Variants in BIRC2 observed in about 807,000 individuals in gnomAD.
BIRC2 encodes baculoviral IAP repeat-containing protein 2.
A neutral mutation model predicts 60.9 loss-of-function variants in BIRC2; 18 were observed. The ratio of observed to expected loss-of-function variants is 0.30; its 90% CI spans 0.20 to 0.44. The LOEUF is 0.44. Ranked by LOEUF, BIRC2 falls within the 20% of genes least tolerant of loss-of-function variation. BIRC2 has a pLI of 1.00. For synonymous variants in BIRC2, 282 were observed against 247.7 expected (o/e 1.14, Z -1.30); for missense variants, 701 against 728.5 (o/e 0.96, Z 0.43).
intron 4 of BIRC2, 138 bp from the exon 5 acceptor site, chr11:102,363,530 A>G (rs1193849562): frequency 6.1e-6 from 3 of 494,750 alleles, no homozygotes; most frequent in Non-Finnish European, 7.1e-6. Flanking sequence ...GGTAAAAGAA[A>G]GCAAAGCAAA....
At position 102,378,522 on chromosome 11, in the gene BIRC2, A is replaced by G; in HGVS notation, c.*339A>G. The G allele has an allele frequency of 6.1e-6, 1 of 163,330 alleles. No individual in the cohort carries two copies. Among genetic ancestry groups the G allele is most frequent in the Non-Finnish European group, 1.3e-5 (1 of 75,800 alleles). The allele number at this position is 163,330 out of a possible 1,614,324, so 10.1% of individuals were successfully genotyped here. On this transcript the variant is annotated 3_prime_UTR_variant, in exon 9 of 9. Transcript: ENST00000227758. Reference sequence around the variant, plus strand: ...TGAATACTAAATTATAGTGTAGAAAAGAACTGGAAACCAGGAACTCTGGAG... The same window carrying G: ...TGAATACTAAATTATAGTGTAGAAAGGAACTGGAAACCAGGAACTCTGGAG...
chr11:102,364,174 T>TATATATACACACACACACACAC (rs1389968594), intron 5 of BIRC2, among the ~76,000 whole-genome samples: 5 of 78,106 alleles, frequency 6.4e-5, no homozygotes, highest in African/African-American at 3.4e-4. Context: ...TATATATATA[T>TATATATACACACACACACACAC]ACACACACAC....
chr11:102,351,062 A>G (rs1951352946), intron 3 of BIRC2, 119 bp downstream of exon 3: 1 of 873,760 alleles, frequency 1.1e-6, no homozygotes, highest in South Asian at 1.8e-5. Context: ...CCATTGGGGA[A>G]TTATCCTTCT....
chr11:102,351,614 CAAAAAAAAAA>C lies in BIRC2; in HGVS notation c.995+685_995+694del, dbSNP rs768269523. ...TGGGTAACAGAGCAAGACTCTGTCT[CAAAAAAAAAA>C]AAAAAAAAAAAAAGAAAAAAGCATA... On this transcript the variant is annotated intron_variant, in intron 3 of 8. Coordinates refer to ENST00000227758, the MANE Select transcript of BIRC2 (RefSeq NM_001166.5). Among the ~76,000 whole-genome samples the C allele has an allele frequency of 1.0e-3, 72 of 68,614 alleles. 1 individual carries two copies. Among genetic ancestry groups the C allele is most frequent in the African/African-American group, 3.8e-3 (62 of 16,494 alleles). The allele number at this position is 68,614 out of a possible 152,430, so 45.0% of individuals were successfully genotyped here. A position where few individuals can be genotyped will look rare whatever the true frequency, so the allele number is the denominator to read the frequency against.
At chr11:102,365,272 A>T (rs1258071780) in intron 5 of BIRC2, among the ~76,000 whole-genome samples, 1 of 152,096 alleles carries the variant, frequency 6.6e-6, no homozygotes, top group Admixed American at 6.5e-5. Context: ...CGAGTCTTCA[A>T]TTTTTCCACC....
chr11:102,365,243 A>G (rs1951540314), intron 5 of BIRC2, among the ~76,000 whole-genome samples: 1 of 152,166 alleles, frequency 6.6e-6, no homozygotes, highest in South Asian at 2.1e-4. Flanking sequence ...TTACTTTGGC[A>G]GTGACATACC....
chr11:102,374,646 G>T (rs562855940), intron 6 of BIRC2, among the ~76,000 whole-genome samples: 1 of 152,080 alleles, frequency 6.6e-6, no homozygotes, highest in African/African-American at 2.4e-5. Flanking sequence ...GCCCCCAGAG[G>T]TGGAGCCTAC....
At position 102,350,923 on chromosome 11, in the gene BIRC2, A is replaced by G; in HGVS notation, c.975A>G (p.Glu325=). ...AATCTGGAGATGATCCATGGGTAGAACATGCCAAGTGGTTTCCAAGGTAAT... is the reference window on the plus strand; with the variant it reads ...AATCTGGAGATGATCCATGGGTAGAGCATGCCAAGTGGTTTCCAAGGTAAT... ...CWESGDDPWV[E]HAKWFPRCEF... The change falls in exon 3 of 9, where the codon GAA becomes GAG. Residue 325 remains glutamate (E), a synonymous_variant. Coordinates refer to ENST00000227758, the MANE Select transcript of BIRC2 (RefSeq NM_001166.5). 7 of 1,613,932 alleles carry G rather than the reference A, an allele frequency of 4.3e-6. No individual in the cohort carries two copies. The highest frequency in any genetic ancestry group is 5.9e-6 in the Non-Finnish European group (7 of 1,179,898).
chr11:102,367,081 A>G (rs147970171), intron 5 of BIRC2, among the ~76,000 whole-genome samples: 111 of 152,332 alleles, frequency 7.3e-4, no homozygotes, highest in Non-Finnish European at 1.2e-3. Context: ...ATAGATGTAT[A>G]CATTCTTCAT....
intron 3 of BIRC2, among the ~76,000 whole-genome samples, chr11:102,358,339 T>A (rs1274207901): frequency 6.6e-6 from 1 of 152,228 alleles, no homozygotes; most frequent in East Asian, 1.9e-4. Flanking sequence ...TTTGGAACAT[T>A]TTTGGTTTTG....
chr11:102,350,987 TAAA>T, intron 3 of BIRC2, 44 bp downstream of exon 3: 1 of 1,575,354 alleles, frequency 6.3e-7, no homozygotes, highest in Non-Finnish European at 8.7e-7. Flanking sequence ...ACTCTGTGCT[TAAA>T]AGAAGTAGGC....
intron 1 of BIRC2, 87 bp downstream of exon 1, chr11:102,347,463 C>CCGA (rs1951305514): frequency 3.9e-3 from 1 of 254 alleles, no homozygotes; most frequent in Non-Finnish European, 5.7e-3. Context: ...GATGTGGCGG[C>CCGA]GAACGAGGAA....
At chr11:102,375,215 G>A (rs1238125439) in intron 6 of BIRC2, among the ~76,000 whole-genome samples, 1 of 152,164 alleles carries the variant, frequency 6.6e-6, no homozygotes, top group Non-Finnish European at 1.5e-5. Context: ...TATTTGTTGA[G>A]CATGAGCACC....
chr11:102,360,233 C>T (rs1390998682), intron 3 of BIRC2, among the ~76,000 whole-genome samples: 2 of 152,182 alleles, frequency 1.3e-5, no homozygotes, highest in Non-Finnish European at 2.9e-5. Context: ...TCCCAAAGTG[C>T]TGGATTACAG....
intron 5 of BIRC2, among the ~76,000 whole-genome samples, chr11:102,365,946 GT>G (rs1199992284): frequency 1.3e-5 from 2 of 152,114 alleles, no homozygotes; most frequent in African/African-American, 4.8e-5. Context: ...CATACTCTTG[GT>G]TTTCTATTTC....
rs1251362991 is a variant in BIRC2 at position 102,363,682 on chromosome 11, A to C, written c.1089A>C (p.Ser363=). The change falls in exon 5 of 9, where the codon TCA becomes TCC. Residue 363 remains serine, a synonymous_variant. Coordinates refer to ENST00000227758, the MANE Select transcript of BIRC2 (RefSeq NM_001166.5). ...TTGTTTCATAGCTGTTGTCAACTTCAGATACCACTGGAGAAGAAAATGCTG... is the reference window on the plus strand; with the variant it reads ...TTGTTTCATAGCTGTTGTCAACTTCCGATACCACTGGAGAAGAAAATGCTG... ...PHLLEQLLST[S]DTTGEENADP... 1 of 1,612,134 alleles carries C rather than the reference A, an allele frequency of 6.2e-7. No individual in the cohort carries two copies. Among genetic ancestry groups the C allele is most frequent in the African/African-American group, 1.3e-5 (1 of 74,910 alleles).
intron 3 of BIRC2, 69 bp downstream of exon 3, chr11:102,351,012 A>AT: frequency 7.0e-7 from 1 of 1,421,018 alleles, no homozygotes; most frequent in Non-Finnish European, 9.8e-7. Flanking sequence ...TGCCTACATG[A>AT]TTTTGTTTAC....
chr11:102,348,649 TA>T lies in BIRC2; in HGVS notation c.-1203del. The T allele has an allele frequency of 3.0e-6, 1 of 328,578 alleles. No individual in the cohort carries two copies. Among genetic ancestry groups the T allele is most frequent in the South Asian group, 2.5e-5 (1 of 40,588 alleles). 20.4% of individuals were successfully genotyped at this position (328,578 alleles called of 1,614,324 possible). On this transcript the variant is annotated 5_prime_UTR_variant, in exon 2 of 9. Transcript: ENST00000227758. ...TCCCTATTTTGTCCCCCTGCAGTAA[TA>T]AATCCCATTATGGAGATCTCGAAAC... is the stretch of plus-strand genomic sequence containing the variant.
chr11:102,373,553 G>A (rs111816246), intron 6 of BIRC2, among the ~76,000 whole-genome samples: 1 of 151,942 alleles, frequency 6.6e-6, no homozygotes, highest in Non-Finnish European at 1.5e-5. Flanking sequence ...AGTCTGATGG[G>A]CTTCCCTTTG....
Sources: gnomAD v4.1 joint callset for allele counts (sites outside exome capture counted in the v4.1 genomes callset) on GRCh38, gnomAD v4.1.1 for gene constraint, MANE v1.5 for transcripts, NCBI Gene and HGNC (gene_info 2026-07-23, HGNC 2026-07-21) for gene names.